The following ZMYM2 variants were observed in gnomAD, a reference collection of about 807,000 sequenced individuals.
ZMYM2 encodes zinc finger MYM-type containing 2.
In ZMYM2, 56 loss-of-function variants were observed where a neutral mutation model predicts 162.8. The ratio of observed to expected loss-of-function variants is 0.34; its 90% CI spans 0.28 to 0.43. The LOEUF is 0.43. ZMYM2 is among the 20% of genes least tolerant of loss of function. The pLI, the probability that ZMYM2 is intolerant of heterozygous loss-of-function variation, is 1.00. For missense variants in ZMYM2, 1,275 were observed against 1,621.8 expected (o/e 0.79, Z 3.67); for synonymous variants, 510 against 541.6 (o/e 0.94, Z 0.81).
chr13:20,087,877 C>G lies in ZMYM2; in HGVS notation c.*1863C>G, dbSNP rs1365004706. The G allele has an allele frequency of 5.3e-6, 1 of 188,432 alleles. No homozygotes were observed. The highest frequency in any genetic ancestry group is 1.1e-5 in the Non-Finnish European group (1 of 89,434). 11.7% of individuals were successfully genotyped at this position (188,432 alleles called of 1,614,324 possible). On this transcript the variant is annotated 3_prime_UTR_variant, in exon 25 of 25. Transcript: ENST00000610343. Reference sequence around the variant, plus strand: ...TTCTCTAACTTACCTTTTTCCAGAACTACTTCTTTAAGCACTTTTCCTATT... The same window carrying G: ...TTCTCTAACTTACCTTTTTCCAGAAGTACTTCTTTAAGCACTTTTCCTATT...
upstream of ZMYM2, among the ~76,000 whole-genome samples, chr13:19,954,126 A>ATTTTTTTTTTTTTTTT (rs781288600): frequency 0.019 from 1,235 of 64,848 alleles, 427 homozygotes; most frequent in African/African-American, 0.027. Context: ...GCTATGTTTA[A>ATTTTTTTTTTTTTTTT]TTTTTTTTTT....
the ZMYM2 span, among the ~76,000 whole-genome samples, chr13:19,897,881 AG>A: frequency 3.9e-5 from 6 of 152,276 alleles, no homozygotes; most frequent in Non-Finnish European, 8.8e-5. Context: ...GGTGAGAAAA[AG>A]CTCAACAGTA....
intron 21 of ZMYM2, chr13:20,070,602 T>A (rs528786022): frequency 6.6e-6 from 1 of 152,630 alleles, no homozygotes; most frequent in East Asian, 1.9e-4. Context: ...AACCTCCGCC[T>A]CCCGGGTTCA....
the ZMYM2 span, among the ~76,000 whole-genome samples, chr13:19,870,165 T>C: frequency 1.3e-5 from 2 of 152,208 alleles, no homozygotes. Flanking sequence ...TTTTTATTTA[T>C]TTATTTTCAA....
chr13:19,884,755 C>T, the ZMYM2 span, among the ~76,000 whole-genome samples: 1 of 152,124 alleles, frequency 6.6e-6, no homozygotes, highest in East Asian at 1.9e-4. Context: ...AATGTTACAG[C>T]TCTTCAACAT....
chr13:19,914,757 T>C, the ZMYM2 span, among the ~76,000 whole-genome samples: 101,068 of 151,984 alleles, frequency 0.66, 35,017 homozygotes, highest in East Asian at 0.84. Context: ...TGGTGATGGG[T>C]CCCTAATCAT....
chr13:19,870,967 C>CT, the ZMYM2 span, among the ~76,000 whole-genome samples: 2 of 151,920 alleles, frequency 1.3e-5, no homozygotes, highest in Non-Finnish European at 2.9e-5. Context: ...AAGCAAGTCA[C>CT]TAAGTGCTTC....
chr13:20,023,464 T>A (rs893683564), intron 7 of ZMYM2, among the ~76,000 whole-genome samples: 2 of 152,216 alleles, frequency 1.3e-5, no homozygotes, highest in African/African-American at 4.8e-5. Context: ...CGTGACAGTT[T>A]TGACATTCAC....
intron 7 of ZMYM2, among the ~76,000 whole-genome samples, chr13:20,023,038 A>G (rs1952256024): frequency 6.6e-6 from 1 of 152,168 alleles, no homozygotes; most frequent in Admixed American, 6.5e-5. Context: ...ATAATTTTGA[A>G]GTAAAGTTGA....
intron 3 of ZMYM2, among the ~76,000 whole-genome samples, chr13:19,995,678 C>T (rs190038196): frequency 5.6e-4 from 85 of 152,238 alleles, no homozygotes; most frequent in Non-Finnish European, 1.1e-3. Flanking sequence ...TGTACCCAGC[C>T]CCCCACCTTT....
upstream of ZMYM2, among the ~76,000 whole-genome samples, chr13:19,957,713 C>CA (rs1440099892): frequency 6.6e-6 from 1 of 152,244 alleles, no homozygotes; most frequent in African/African-American, 2.4e-5. Context: ...GAGGCCTGGG[C>CA]AGGGCCAGCG....
chr13:19,993,340 G>A lies in ZMYM2; in HGVS notation c.268G>A (p.Glu90Lys). 1 of 1,613,822 alleles carries A rather than the reference G, an allele frequency of 6.2e-7. No homozygotes were observed. Among genetic ancestry groups the A allele is most frequent in the Non-Finnish European group, 8.5e-7 (1 of 1,179,820 alleles). The part of the protein sequence containing the change: ...RTITFTSSKN[E>K]ELQGNDSKIT... ...CATAACATTTACATCATCAAAAAATGAAGAACTACAAGGAAATGATTCCAA... is the reference window on the plus strand; with the variant it reads ...CATAACATTTACATCATCAAAAAATAAAGAACTACAAGGAAATGATTCCAA... The change falls in exon 3 of 25, where the codon GAA (glutamate) becomes AAA (lysine). Residue 90 changes from glutamate to lysine, a missense_variant. This residue lies in a region of ZMYM2 where 295 missense variants were observed against 286.7 expected (regional missense o/e 1.03). Transcript: ENST00000610343.
At chr13:19,892,451 A>G in the ZMYM2 span, among the ~76,000 whole-genome samples, 1 of 147,700 alleles carries the variant, frequency 6.8e-6, no homozygotes, top group African/African-American at 2.5e-5. Flanking sequence ...TTTTTTTTGT[A>G]TTTTTAGTAG....
At chr13:20,058,469 C>T in intron 14 of ZMYM2, 106 bp from the exon 15 acceptor site, 1 of 1,349,900 alleles carries the variant, frequency 7.4e-7, no homozygotes, top group South Asian at 1.5e-5. Flanking sequence ...TTATCCTCTT[C>T]TGCTTTTGTG....
chr13:19,901,273 C>G, the ZMYM2 span, among the ~76,000 whole-genome samples: 1 of 152,156 alleles, frequency 6.6e-6, no homozygotes, highest in East Asian at 1.9e-4. Context: ...AGTCCCACTT[C>G]TGGGTATATA....
chr13:19,866,701 G>C, the ZMYM2 span, among the ~76,000 whole-genome samples: 3 of 152,054 alleles, frequency 2.0e-5, no homozygotes, highest in Non-Finnish European at 4.4e-5. Flanking sequence ...AATTCTTCCA[G>C]CCTAGGTAAC....
intron 2 of ZMYM2, among the ~76,000 whole-genome samples, chr13:19,981,803 T>G (rs937935557): frequency 6.6e-6 from 1 of 151,600 alleles, no homozygotes; most frequent in Admixed American, 6.6e-5. Context: ...CATGAAGATA[T>G]CTTTCATATC....
the ZMYM2 span, among the ~76,000 whole-genome samples, chr13:19,945,440 C>T: frequency 1.6e-4 from 25 of 152,020 alleles, no homozygotes; most frequent in East Asian, 3.3e-3. Context: ...TTAGTAGAGA[C>T]GGGGTTTCAC....
chr13:20,059,358 A>C (rs1956061996), intron 15 of ZMYM2, 89 bp from the exon 16 acceptor site: 1 of 1,453,654 alleles, frequency 6.9e-7, no homozygotes, highest in Non-Finnish European at 9.2e-7. Flanking sequence ...GAGGTAGTTA[A>C]ATTTTTCTTT....
Sources: gnomAD v4.1 joint callset for allele counts (sites outside exome capture counted in the v4.1 genomes callset) on GRCh38, gnomAD v4.1.1 for gene constraint, gnomAD v4.1.1 regional missense constraint, MANE v1.5 for transcripts, NCBI Gene and HGNC (gene_info 2026-07-23, HGNC 2026-07-21) for gene names.